GPC5: variants seen among roughly 807,000 people sequenced by gnomAD.
The protein encoded by GPC5 is glypican 5, also known as glypican-5.
Under a neutral mutation model 53.9 loss-of-function variants are expected in GPC5, and 47 were observed. The observed-to-expected ratio is 0.87, with a 90% CI of 0.69 to 1.11. The LOEUF is 1.11. Among genes scored for constraint, GPC5 ranks in the 50% most tolerant of loss-of-function variants. GPC5 has a pLI of 0.00. For missense variants in GPC5, 748 were observed against 713.1 expected (o/e 1.05, Z -0.56); for synonymous variants, 286 against 263.3 (o/e 1.09, Z -0.84).
chr13:92,083,139 CT>C (rs2041309632), intron 6 of GPC5, among the ~76,000 whole-genome samples: 1 of 152,104 alleles, frequency 6.6e-6, no homozygotes, highest in Non-Finnish European at 1.5e-5. Flanking sequence ...CAGAGATTCC[CT>C]TTGGGGGACA....
At chr13:92,541,422 A>G (rs1881927042) in intron 7 of GPC5, among the ~76,000 whole-genome samples, 1 of 151,864 alleles carries the variant, frequency 6.6e-6, no homozygotes, top group Non-Finnish European at 1.5e-5. Context: ...AAATCAACTT[A>G]TTGCATGAAA....
intron 6 of GPC5, among the ~76,000 whole-genome samples, chr13:92,018,545 T>A (rs1375906922): frequency 1.3e-5 from 2 of 152,116 alleles, no homozygotes; most frequent in Non-Finnish European, 2.9e-5. Context: ...TTCAAATATT[T>A]TATGCTTCTA....
At chr13:91,529,615 A>G (rs1886244746) in intron 2 of GPC5, among the ~76,000 whole-genome samples, 1 of 152,260 alleles carries the variant, frequency 6.6e-6, no homozygotes, top group Non-Finnish European at 1.5e-5. Context: ...AGTTTTTAAT[A>G]AAACAATAAT....
At chr13:92,185,982 G>GT (rs1236066409) in intron 7 of GPC5, among the ~76,000 whole-genome samples, 1 of 152,088 alleles carries the variant, frequency 6.6e-6, no homozygotes, top group Non-Finnish European at 1.5e-5. Flanking sequence ...AAGATAAAAT[G>GT]TAATAACAGC....
At chr13:91,767,779 T>C (rs1373512487) in intron 5 of GPC5, among the ~76,000 whole-genome samples, 1 of 152,188 alleles carries the variant, frequency 6.6e-6, no homozygotes, top group Non-Finnish European at 1.5e-5. Context: ...GATAGCAAGA[T>C]AAAAGTTCAC....
chr13:92,477,390 G>C (rs1431051234), intron 7 of GPC5, among the ~76,000 whole-genome samples: 1 of 152,108 alleles, frequency 6.6e-6, no homozygotes, highest in Non-Finnish European at 1.5e-5. Flanking sequence ...CTGATAGTGG[G>C]TGTAGATATT....
At chr13:92,366,235 C>T (rs903318943) in intron 7 of GPC5, among the ~76,000 whole-genome samples, 8 of 151,826 alleles carry the variant, frequency 5.3e-5, no homozygotes, top group Non-Finnish European at 1.2e-4. Flanking sequence ...GTAGATATTA[C>T]AAAAGACAAC....
chr13:92,588,046 G>T (rs1160758747), intron 7 of GPC5, among the ~76,000 whole-genome samples: 7 of 152,038 alleles, frequency 4.6e-5, no homozygotes, highest in Non-Finnish European at 2.9e-5. Context: ...ACATGCATTA[G>T]GTATTTGTCC....
At chr13:92,672,295 A>G (rs1177958774) in intron 7 of GPC5, among the ~76,000 whole-genome samples, 1 of 152,154 alleles carries the variant, frequency 6.6e-6, no homozygotes, top group South Asian at 2.1e-4. Context: ...CTGTCTGTTC[A>G]TGATAATTAG....
chr13:92,557,487 T>C (rs1013196521), intron 7 of GPC5, among the ~76,000 whole-genome samples: 3 of 151,950 alleles, frequency 2.0e-5, no homozygotes, highest in Non-Finnish European at 4.4e-5. Context: ...ATAAACACCT[T>C]GTGTAGCATA....
At chr13:91,597,775 T>C (rs1040798365) in intron 2 of GPC5, among the ~76,000 whole-genome samples, 2 of 152,136 alleles carry the variant, frequency 1.3e-5, no homozygotes, top group African/African-American at 2.4e-5. Context: ...ATATTCCTTA[T>C]GGCATTATCC....
intron 5 of GPC5, among the ~76,000 whole-genome samples, chr13:91,871,021 T>A (rs1340472021): frequency 6.6e-6 from 1 of 152,232 alleles, no homozygotes; most frequent in Admixed American, 6.5e-5. Context: ...ATACACCTGA[T>A]ATACACAGCA....
At chr13:92,129,113 G>A (rs2041723385) in intron 6 of GPC5, among the ~76,000 whole-genome samples, 1 of 152,192 alleles carries the variant, frequency 6.6e-6, no homozygotes, top group African/African-American at 2.4e-5. Flanking sequence ...AGGGTGAAAT[G>A]CTAAAGGCCT....
intron 7 of GPC5, among the ~76,000 whole-genome samples, chr13:92,671,422 C>G (rs1253613440): frequency 6.6e-6 from 1 of 152,200 alleles, no homozygotes; most frequent in African/African-American, 2.4e-5. Flanking sequence ...CTATCCATTA[C>G]TCCAAAATGT....
intron 7 of GPC5, among the ~76,000 whole-genome samples, chr13:92,326,333 T>G (rs1452202461): frequency 2.6e-5 from 4 of 151,994 alleles, no homozygotes; most frequent in Non-Finnish European, 5.9e-5. Flanking sequence ...CACTAAAACT[T>G]TTAATATAGA....
intron 6 of GPC5, among the ~76,000 whole-genome samples, chr13:92,085,617 T>C (rs527337115): frequency 1.4e-4 from 22 of 152,304 alleles, no homozygotes; most frequent in Non-Finnish European, 1.8e-4. Flanking sequence ...ATTATTACTT[T>C]GTAACATATA....
At chr13:91,716,340 C>T (rs1460605613) in intron 3 of GPC5, among the ~76,000 whole-genome samples, 1 of 152,186 alleles carries the variant, frequency 6.6e-6, no homozygotes, top group African/African-American at 2.4e-5. Flanking sequence ...TACCCCACCT[C>T]CACCTCATTA....
intron 1 of GPC5, among the ~76,000 whole-genome samples, chr13:91,445,788 AT>A (rs1566404634): frequency 1.3e-5 from 2 of 152,098 alleles, no homozygotes; most frequent in African/African-American, 4.8e-5. Context: ...ATCTTATAAG[AT>A]TTTTGGTTCT....
chr13:91,471,291 G>A (rs1250073864), intron 2 of GPC5, among the ~76,000 whole-genome samples: 1 of 151,748 alleles, frequency 6.6e-6, no homozygotes, highest in Non-Finnish European at 1.5e-5. Context: ...TGAACCACCT[G>A]CTGTTTTTTT....
Sources: gnomAD v4.1 joint callset for allele counts (sites outside exome capture counted in the v4.1 genomes callset) on GRCh38, gnomAD v4.1.1 for gene constraint, MANE v1.5 for transcripts, NCBI Gene and HGNC (gene_info 2026-07-23, HGNC 2026-07-21) for gene names.